Variants in PCDHA7 observed in about 807,000 individuals in gnomAD.
PCDHA7 encodes the protein protocadherin alpha 7, also known as protocadherin alpha-7.
PCDHA7 carries 37 observed loss-of-function variants against 57.2 expected under a neutral mutation model. The ratio of observed to expected loss-of-function variants is 0.65; its 90% CI spans 0.50 to 0.85. PCDHA7 has a LOEUF of 0.85. Among genes scored for constraint, PCDHA7 ranks in the 40% least tolerant of loss-of-function variants. PCDHA7 has a pLI of 0.00. For synonymous variants in PCDHA7, 553 were observed against 558.8 expected (o/e 0.99, Z 0.15); for missense variants, 1,188 against 1,241.8 (o/e 0.96, Z 0.65).
chr5:141,000,421 ATTTTTT>A (rs34755515), intron 3 of PCDHA7, among the ~76,000 whole-genome samples: 34 of 27,962 alleles, frequency 1.2e-3, no homozygotes, highest in East Asian at 9.9e-3. Context: ...ATATATATAT[ATTTTTT>A]TTTTTTTTTT....
At chr5:140,837,840 G>C (rs1775283148) in intron 1 of PCDHA7, among the ~76,000 whole-genome samples, 1 of 151,336 alleles carries the variant, frequency 6.6e-6, no homozygotes, top group African/African-American at 2.4e-5. Context: ...ATTGTGCCTG[G>C]CTAATTTTAT....
intron 1 of PCDHA7, chr5:140,966,193 G>C (rs1554228123): frequency 4.8e-6 from 1 of 207,392 alleles, no homozygotes; most frequent in Non-Finnish European, 9.5e-6. Flanking sequence ...CAGACTTCTA[G>C]GGGCTTGACT....
intron 1 of PCDHA7, chr5:140,968,189 TC>T: frequency 6.2e-7 from 1 of 1,614,034 alleles, no homozygotes; most frequent in Non-Finnish European, 8.5e-7. Context: ...GGACTCCTAT[TC>T]CATCTACATA....
intron 1 of PCDHA7, among the ~76,000 whole-genome samples, chr5:140,974,864 C>A (rs949061887): frequency 3.9e-5 from 6 of 152,124 alleles, no homozygotes; most frequent in Non-Finnish European, 8.8e-5. Flanking sequence ...TGCCTTAATG[C>A]GGAACAGTCT....
chr5:140,834,336 ATTCGAAGGCAAGTTTTGCTGACTAG>A lies in PCDHA7; in HGVS notation c.-47_-23del. 6.7e-7 allele frequency: 1 copy of A among 1,499,956 alleles called. No individual in the cohort carries two copies. The highest frequency in any genetic ancestry group is 9.0e-7 in the Non-Finnish European group (1 of 1,110,698). The allele number at this position is 1,499,956 out of a possible 1,614,324, so 92.9% of individuals were successfully genotyped here. A position where few individuals can be genotyped will look rare whatever the true frequency, so the allele number is the denominator to read the frequency against. On this transcript the variant is annotated 5_prime_UTR_variant, in exon 1 of 4. Transcript: ENST00000525929. ...TGAAGGGATAAAAACATTCCTATAA[ATTCGAAGGCAAGTTTTGCTGACTAG>A]AAAAACAAGCCAATAATTTGAAATG...
intron 1 of PCDHA7, chr5:140,969,476 A>G: frequency 6.8e-7 from 1 of 1,473,576 alleles, no homozygotes; most frequent in Non-Finnish European, 9.0e-7. Context: ...CAATTTGATC[A>G]TAATCTGCTA....
At chr5:140,841,796 G>A in intron 1 of PCDHA7, 2 of 1,613,920 alleles carry the variant, frequency 1.2e-6, no homozygotes, top group Non-Finnish European at 8.5e-7. Flanking sequence ...GGGCGCGTCC[G>A]ATGCAGATGT....
intron 1 of PCDHA7, among the ~76,000 whole-genome samples, chr5:140,935,180 T>C (rs781934014): frequency 3.9e-5 from 6 of 152,214 alleles, no homozygotes; most frequent in Non-Finnish European, 7.3e-5. Flanking sequence ...TTATTGCTGC[T>C]GGGTCAGTTG....
At chr5:140,966,617 A>G (rs1169791623) in intron 1 of PCDHA7, 8 of 785,216 alleles carry the variant, frequency 1.0e-5, no homozygotes, top group African/African-American at 1.8e-5. Flanking sequence ...GGGCCTACGG[A>G]GGGAGCGGCC....
At chr5:140,967,789 T>A (rs782032459) in intron 1 of PCDHA7, 2 of 1,614,076 alleles carry the variant, frequency 1.2e-6, no homozygotes, top group Non-Finnish European at 1.7e-6. Context: ...CTGACCGGGG[T>A]CCAGTGCCCA....
At chr5:141,008,905 A>G (rs1212655574) in intron 3 of PCDHA7, among the ~76,000 whole-genome samples, 2 of 152,256 alleles carry the variant, frequency 1.3e-5, no homozygotes, top group African/African-American at 4.8e-5. Flanking sequence ...TAAAATTAAG[A>G]TCAAATAATT....
chr5:140,903,020 A>G lies in PCDHA7; in HGVS notation c.2355+66282A>G, dbSNP rs375776888. ...AATTGTGAATTGTGCTGCTATCAAC[A>G]TGGCTTGCACATGTGTCTTTTTCAT... On this transcript the variant is annotated intron_variant, in intron 1 of 3. Coordinates refer to ENST00000525929, the MANE Select transcript of PCDHA7 (RefSeq NM_018910.3). Among the ~76,000 whole-genome samples the G allele has an allele frequency of 2.4e-4, 36 of 152,312 alleles. No homozygotes were observed. In the East Asian group the frequency reaches 6.4e-3, roughly 27 times the overall value.
intron 1 of PCDHA7, among the ~76,000 whole-genome samples, chr5:140,839,447 T>C (rs2150297946): frequency 3.3e-5 from 5 of 151,970 alleles, no homozygotes; most frequent in Non-Finnish European, 5.9e-5. Flanking sequence ...TGCAGTGCAG[T>C]GGCACAATCT....
In PCDHA7 at chr5:140,857,915, G is replaced by A. The variant is rs1265955881; in HGVS notation, c.2355+21177G>A. The A allele has an allele frequency of 4.6e-5, 74 of 1,597,796 alleles. 10 individuals carry two copies. The highest frequency in any genetic ancestry group is 6.0e-5 in the Non-Finnish European group (70 of 1,167,592). On this transcript the variant is annotated intron_variant, in intron 1 of 3. Transcript: ENST00000525929. ...GGTTGGTGCACGCATCCCGTTTCGC[G>A]TGGGGCTGTACACGGGCGAGATCAG...
chr5:140,853,024 G>T, intron 1 of PCDHA7: 1 of 260,054 alleles, frequency 3.8e-6, no homozygotes, highest in Non-Finnish European at 6.3e-6. Context: ...GACTACAGGC[G>T]CCTGCCACCA....
intron 1 of PCDHA7, among the ~76,000 whole-genome samples, chr5:140,894,640 C>T (rs1004479669): frequency 4.6e-5 from 7 of 151,788 alleles, no homozygotes; most frequent in Admixed American, 4.6e-4. Flanking sequence ...CATATCATTA[C>T]TGAGTCTCTC....
At chr5:140,930,582 T>C in intron 1 of PCDHA7, 1 of 152,540 alleles carries the variant, frequency 6.6e-6, no homozygotes, top group East Asian at 1.9e-4. Flanking sequence ...GTATTACTTT[T>C]TGACTTCTCA....
Position 140,835,938 on chromosome 5 carries a change from G to C in PCDHA7, c.1555G>C (p.Ala519Pro), listed in dbSNP as rs1298713019. The C allele has an allele frequency of 3.7e-6, 6 of 1,612,516 alleles. No individual in the cohort carries two copies. The South Asian group carries it at 6.6e-5, about 18-fold the overall frequency. Residue 519 changes from alanine to proline, a missense_variant, in exon 1 of 4, where the codon GCG (alanine) becomes CCG (proline). Ala to Pro is a conservative substitution (Grantham distance 27, BLOSUM62 -1). Coordinates refer to ENST00000525929, the MANE Select transcript of PCDHA7 (RefSeq NM_018910.3). ...SVHAESGKVY[A>P]LQPLDHEELE... The stretch of plus-strand genomic sequence containing the variant: ...GCACGCGGAGAGCGGCAAGGTGTAC[G>C]CGCTGCAGCCGTTGGACCACGAGGA...
At chr5:140,884,341 G>C in intron 1 of PCDHA7, 2 of 1,613,910 alleles carry the variant, frequency 1.2e-6, no homozygotes, top group Non-Finnish European at 1.7e-6. Context: ...GTCCAGAAGC[G>C]GCGCTGGTGG....
Sources: gnomAD v4.1 joint callset for allele counts (sites outside exome capture counted in the v4.1 genomes callset) on GRCh38, gnomAD v4.1.1 for gene constraint, MANE v1.5 for transcripts, NCBI Gene and HGNC (gene_info 2026-07-23, HGNC 2026-07-21) for gene names.